LRRC34: variants seen among roughly 807,000 people sequenced by gnomAD.
The protein encoded by LRRC34 is leucine rich repeat containing 34.
A neutral mutation model predicts 48.5 loss-of-function variants in LRRC34; 44 were observed. The observed-to-expected ratio is 0.91, with a 90% CI of 0.71 to 1.17. The LOEUF is 1.17. Among genes scored for constraint, LRRC34 ranks in the 50% most tolerant of loss-of-function variants. The pLI is 0.00. For missense variants in LRRC34, 502 were observed against 563.0 expected (o/e 0.89, Z 1.10); for synonymous variants, 192 against 197.6 (o/e 0.97, Z 0.24).
At chr3:169,810,401 A>G (rs1047313353) in intron 1 of LRRC34, among the ~76,000 whole-genome samples, 25 of 152,196 alleles carry the variant, frequency 1.6e-4, no homozygotes, top group African/African-American at 6.0e-4. Context: ...ATAACTTTAT[A>G]TGCTGTTTTT....
At chr3:169,795,355 AC>A in intron 10 of LRRC34, 129 bp downstream of exon 10, 1 of 921,284 alleles carries the variant, frequency 1.1e-6, no homozygotes, top group Non-Finnish European at 1.5e-6. Flanking sequence ...TAATTTTAAG[AC>A]TTATGTTAAT....
chr3:169,807,721 CAAAAAAAAAAA>C lies in LRRC34; in HGVS notation c.258-23_258-13del, dbSNP rs377198673. Reference sequence around the variant, plus strand: ...TTCCTGCTGCTAGCCTGTTAAAATACAAAAAAAAAAAAAAAAAAAAAAGATTTTGAAATAGA... The same window carrying C: ...TTCCTGCTGCTAGCCTGTTAAAATACAAAAAAAAAAAGATTTTGAAATAGA... On this transcript the variant is annotated splice_polypyrimidine_tract_variant and intron_variant, in intron 2 of 10. Coordinates refer to ENST00000446859, the MANE Select transcript of LRRC34 (RefSeq NM_001172779.2). 8 of 883,720 alleles carry C rather than the reference CAAAAAAAAAAA, an allele frequency of 9.1e-6. No homozygotes were observed. In the Middle Eastern group the frequency reaches 1.7e-3, roughly 185 times the overall value. 54.7% of individuals were successfully genotyped at this position (883,720 alleles called of 1,614,324 possible).
chr3:169,804,035 C>T lies in LRRC34; in HGVS notation c.657+18G>A. 1.3e-6 allele frequency: 2 copies of T among 1,548,094 alleles called. No homozygotes were observed. Among genetic ancestry groups the T allele is most frequent in the Non-Finnish European group, 1.7e-6 (2 of 1,145,426 alleles). The stretch of plus-strand genomic sequence containing the variant: ...TGACCCACTATCTGGATGATTTTCT[C>T]ATAACCAGTTTACTCACCAGATCAC... On this transcript the variant is annotated intron_variant, in intron 6 of 10. Transcript: ENST00000446859.
At position 169,795,526 on chromosome 3, in the gene LRRC34, TATGAG is replaced by T; in HGVS notation, c.1145_1149del (p.Ser382TyrfsTer9). 1 of 1,612,632 alleles carries T rather than the reference TATGAG, an allele frequency of 6.2e-7. No homozygotes were observed. The highest frequency in any genetic ancestry group is 8.5e-7 in the Non-Finnish European group (1 of 1,179,060). ...TCAAATTTGTTTCCCCAAATGTAGATATGAGAGAAAGTGAGATTTGTTTTCATTGA... is the reference window on the plus strand; with the variant it reads ...TCAAATTTGTTTCCCCAAATGTAGATAGAAAGTGAGATTTGTTTTCATTGA... On this transcript the variant is annotated frameshift_variant, in exon 10 of 11. Transcript: ENST00000446859. LOFTEE classifies it high-confidence loss of function.
intron 5 of LRRC34, among the ~76,000 whole-genome samples, chr3:169,805,406 TA>T (rs201950124): frequency 5.3e-5 from 8 of 151,764 alleles, no homozygotes; most frequent in Non-Finnish European, 1.0e-4. Context: ...TACAATAGCA[TA>T]AAAAAAAGTT....
Position 169,804,067 on chromosome 3 carries a change from C to G in LRRC34, c.643G>C (p.Gly215Arg). 6.3e-7 allele frequency: 1 copy of G among 1,588,688 alleles called. No homozygotes were observed. The highest frequency in any genetic ancestry group is 8.6e-7 in the Non-Finnish European group (1 of 1,167,120). Residue 215 changes from glycine to arginine, a missense_variant, in exon 6 of 11, where the codon GGT becomes CGT. Physicochemically the swap from Gly to Arg is moderately radical, Grantham distance 125. Coordinates refer to ENST00000446859, the MANE Select transcript of LRRC34 (RefSeq NM_001172779.2). The part of the protein sequence containing the change: ...INSSLEKLDL[G>R]DCDLGMQSVI... ...AGTTTACTCACCAGATCACAGTCAC[C>G]CAGATCTAATTTCTCTAATGATGAA...
At chr3:169,803,874 T>C (rs1779278069) in intron 6 of LRRC34, 179 bp downstream of exon 6, 1 of 424,264 alleles carries the variant, frequency 2.4e-6, no homozygotes, top group Admixed American at 4.5e-5. Flanking sequence ...TAAGTATTTT[T>C]CTATGTTATT....
At chr3:169,807,139 T>C (rs1255668184) in intron 4 of LRRC34, among the ~76,000 whole-genome samples, 1 of 152,146 alleles carries the variant, frequency 6.6e-6, no homozygotes, top group East Asian at 1.9e-4. Context: ...CAAAATATAA[T>C]TACAATATAA....
chr3:169,805,429 T>G (rs1779336931), intron 5 of LRRC34, among the ~76,000 whole-genome samples: 1 of 152,134 alleles, frequency 6.6e-6, no homozygotes. Context: ...GGAATAAATT[T>G]AACAAAAGAA....
chr3:169,803,758 A>G (rs994730011), intron 6 of LRRC34, among the ~76,000 whole-genome samples: 3 of 152,248 alleles, frequency 2.0e-5, no homozygotes, highest in African/African-American at 7.2e-5. Flanking sequence ...AAAAAATTAT[A>G]TGAATAAAGT....
intron 5 of LRRC34, among the ~76,000 whole-genome samples, chr3:169,805,583 C>G (rs1779340955): frequency 6.6e-6 from 1 of 152,088 alleles, no homozygotes. Context: ...ACTGTAATTC[C>G]TATTAAAATC....
At chr3:169,811,382 A>G (rs1417891465) in intron 1 of LRRC34, among the ~76,000 whole-genome samples, 1 of 152,270 alleles carries the variant, frequency 6.6e-6, no homozygotes, top group Non-Finnish European at 1.5e-5. Flanking sequence ...AGAGATTTAC[A>G]GTATTTAAAA....
intron 8 of LRRC34, 59 bp downstream of exon 8, chr3:169,796,686 T>G: frequency 6.7e-7 from 1 of 1,482,094 alleles, no homozygotes; most frequent in South Asian, 1.3e-5. Context: ...CCATGAATAT[T>G]TATATAGATT....
chr3:169,808,712 G>A lies in LRRC34; in HGVS notation c.173C>T (p.Ser58Phe), dbSNP rs774763967. 24 of 1,593,180 alleles carry A rather than the reference G, an allele frequency of 1.5e-5. No individual in the cohort carries two copies. In the East Asian group the frequency reaches 5.4e-4, roughly 36 times the overall value. ...SPESGLQKHY[S>F]NLCMEKSQKI... The stretch of plus-strand genomic sequence containing the variant: ...CTGGGATTTTTCCATACACAGATTA[G>A]AATAATGTTTCTGGAGACCAGATTC... The change falls in exon 2 of 11, where the codon TCT (serine) becomes TTT (phenylalanine). Residue 58 changes from serine to phenylalanine, a missense_variant. Coordinates refer to ENST00000446859, the MANE Select transcript of LRRC34 (RefSeq NM_001172779.2).
Position 169,807,410 on chromosome 3 carries a change from TG to T in LRRC34, c.444+15del. The T allele has an allele frequency of 6.2e-7, 1 of 1,609,848 alleles. No individual in the cohort carries two copies. The highest frequency in any genetic ancestry group is 8.5e-7 in the Non-Finnish European group (1 of 1,176,210). On this transcript the variant is annotated intron_variant, in intron 4 of 10. Transcript: ENST00000446859. ...ATTGTAAATGGAACTAAGGACATTTTGTAGTAAAATAATACCTGAAGCAGTT... is the reference window on the plus strand; with the variant it reads ...ATTGTAAATGGAACTAAGGACATTTTTAGTAAAATAATACCTGAAGCAGTT...
rs1778996923 is a variant in LRRC34 at position 169,796,579 on chromosome 3, G to T, written c.908+166C>A. On this transcript the variant is annotated intron_variant, in intron 8 of 10. Coordinates refer to ENST00000446859, the MANE Select transcript of LRRC34 (RefSeq NM_001172779.2). ...AAATTGCTCATTTATGTTACTAAAA[G>T]ATAGCAGTATTAAATATTAAAGCTT... is the stretch of plus-strand genomic sequence containing the variant. The T allele has an allele frequency of 5.6e-6, 5 of 895,292 alleles. No individual in the cohort carries two copies. The South Asian group carries it at 7.8e-5, about 14-fold the overall frequency. The allele number at this position is 895,292 out of a possible 1,614,324, so 55.5% of individuals were successfully genotyped here.
rs957308829 is a variant in LRRC34, at chr3:169,793,159, G to C, written c.*476C>G. Among the ~76,000 whole-genome samples, 2 of 152,126 alleles carry C rather than the reference G, an allele frequency of 1.3e-5. No homozygotes were observed. Among genetic ancestry groups the C allele is most frequent in the African/African-American group, 2.4e-5 (1 of 41,422 alleles). On this transcript the variant is annotated 3_prime_UTR_variant, in exon 11 of 11. Coordinates refer to ENST00000446859, the MANE Select transcript of LRRC34 (RefSeq NM_001172779.2). ...GGTATGTATATGTTTATATATATTT[G>C]CCTGTATTTATGAAATTGTTAGTAA... is the stretch of plus-strand genomic sequence containing the variant.
In LRRC34 at chr3:169,812,095, C is replaced by G. The variant is rs1294793812; in HGVS notation, c.139+315G>C. ...GGCTGAGAAGAGCCCCCCCGCCACC[C>G]CCTCCCGGAGACCCTGAGAGCACGG... On this transcript the variant is annotated intron_variant, in intron 1 of 10. Transcript: ENST00000446859. The surrounding 1 kb of genome is among the most constrained non-coding windows in gnomAD (Gnocchi z 4.3). 6.6e-6 allele frequency among the ~76,000 whole-genome samples: 1 copy of G among 152,090 alleles called. No individual in the cohort carries two copies. The highest frequency in any genetic ancestry group is 1.5e-5 in the Non-Finnish European group (1 of 68,002).
intron 1 of LRRC34, among the ~76,000 whole-genome samples, chr3:169,809,908 C>T (rs1018303694): frequency 6.6e-6 from 1 of 151,598 alleles, no homozygotes; most frequent in Admixed American, 6.6e-5. Context: ...TTTTTAATAA[C>T]CTTTTTAAAA....
Sources: allele counts gnomAD v4.1 joint callset (sites outside exome capture counted in the v4.1 genomes callset), GRCh38; gene constraint gnomAD v4.1.1; non-coding constraint Gnocchi (gnomAD v3.1); transcripts MANE v1.5; gene names NCBI Gene and HGNC (gene_info 2026-07-23, HGNC 2026-07-21).